NKAIN2: variants seen among roughly 807,000 people sequenced by gnomAD.
NKAIN2 encodes the protein sodium/potassium-transporting ATPase subunit beta-1-interacting protein 2.
A neutral mutation model predicts 32.6 loss-of-function variants in NKAIN2; 14 were observed. The ratio of observed to expected loss-of-function variants is 0.43; its 90% CI spans 0.28 to 0.67. NKAIN2 has a LOEUF of 0.67. Ranked by LOEUF, NKAIN2 falls within the 30% of genes least tolerant of loss-of-function variation. The probability of loss-of-function intolerance (pLI) is 0.17; values close to 1 mark genes in which losing one functional copy is unlikely to be tolerated. For missense variants in NKAIN2, 198 were observed against 258.3 expected, an observed-to-expected ratio of 0.77 and a Z score of 1.60; for synonymous variants, 80 against 87.2, an observed-to-expected ratio of 0.92 and a Z score of 0.46.
intron 3 of NKAIN2, among the ~76,000 whole-genome samples, chr6:124,617,493 T>C (rs890144360): frequency 6.6e-6 from 1 of 152,202 alleles, no homozygotes; most frequent in African/African-American, 2.4e-5. Context: ...CCACAAAGAA[T>C]CCTTCTATGA....
At chr6:124,365,330 A>G (rs1799474938) in intron 3 of NKAIN2, among the ~76,000 whole-genome samples, 1 of 151,964 alleles carries the variant, frequency 6.6e-6, no homozygotes, top group Non-Finnish European at 1.5e-5. Context: ...TAAGTTAAGA[A>G]CAAGTAAAAT....
At chr6:124,737,813 A>G (rs146307618) in intron 4 of NKAIN2, among the ~76,000 whole-genome samples, 92 of 151,832 alleles carry the variant, frequency 6.1e-4, no homozygotes, top group Non-Finnish European at 1.2e-3. Flanking sequence ...AGCAAAGGTA[A>G]CTCTTGTTAT....
chr6:123,876,719 A>C (rs536924550), intron 1 of NKAIN2, among the ~76,000 whole-genome samples: 1 of 152,190 alleles, frequency 6.6e-6, no homozygotes, highest in South Asian at 2.1e-4. Flanking sequence ...TTTTTATTCT[A>C]TTCAAGTCCT....
At chr6:124,176,394 C>A (rs1789158528) in intron 1 of NKAIN2, among the ~76,000 whole-genome samples, 1 of 152,082 alleles carries the variant, frequency 6.6e-6, no homozygotes, top group African/African-American at 2.4e-5. Flanking sequence ...ATTTTGAATT[C>A]TTTGGGATTT....
chr6:123,917,777 A>T (rs1318102383), intron 1 of NKAIN2, among the ~76,000 whole-genome samples: 1 of 152,142 alleles, frequency 6.6e-6, no homozygotes, highest in African/African-American at 2.4e-5. Context: ...GGAAGATTTC[A>T]TTATATTTTA....
At chr6:123,817,736 A>T (rs1348756064) in intron 1 of NKAIN2, among the ~76,000 whole-genome samples, 1 of 152,182 alleles carries the variant, frequency 6.6e-6, no homozygotes, top group East Asian at 1.9e-4. Flanking sequence ...AGCCAGTGGT[A>T]AATGAGGAGA....
chr6:124,734,240 A>C lies in NKAIN2; in HGVS notation c.475-57099A>C, dbSNP rs544361257. Among the ~76,000 whole-genome samples, 5 of 151,898 alleles carry C rather than the reference A, an allele frequency of 3.3e-5. No homozygotes were observed. In the South Asian group the frequency reaches 1.0e-3, roughly 32 times the overall value. On this transcript the variant is annotated intron_variant, in intron 4 of 6. Transcript: ENST00000368417. Reference sequence around the variant, plus strand: ...ATTATTCATATCCAACAAGTATGTAAATTCTATTTACAAAAATCTCTTAAA... The same window carrying C: ...ATTATTCATATCCAACAAGTATGTACATTCTATTTACAAAAATCTCTTAAA...
chr6:124,004,907 A>G (rs1266855780), intron 1 of NKAIN2, among the ~76,000 whole-genome samples: 2 of 152,008 alleles, frequency 1.3e-5, no homozygotes, highest in East Asian at 1.9e-4. Flanking sequence ...AAGTAAAAAA[A>G]AAAAAAGAAT....
At chr6:124,595,553 T>C in intron 3 of NKAIN2, among the ~76,000 whole-genome samples, 1 of 152,156 alleles carries the variant, frequency 6.6e-6, no homozygotes, top group East Asian at 1.9e-4. Context: ...CAAACCTGAT[T>C]TGGTGGAAGC....
At chr6:124,674,141 G>T (rs566620398) in intron 4 of NKAIN2, among the ~76,000 whole-genome samples, 3 of 152,016 alleles carry the variant, frequency 2.0e-5, no homozygotes, top group South Asian at 4.1e-4. Flanking sequence ...TGACAACCTT[G>T]TCAAAAATCA....
chr6:124,427,876 C>A (rs1302465105), intron 3 of NKAIN2, among the ~76,000 whole-genome samples: 1 of 152,004 alleles, frequency 6.6e-6, no homozygotes, highest in Non-Finnish European at 1.5e-5. Flanking sequence ...GTATTTGGCA[C>A]AGCTACATGT....
intron 4 of NKAIN2, among the ~76,000 whole-genome samples, chr6:124,727,056 G>C (rs1007085217): frequency 6.6e-5 from 10 of 152,144 alleles, no homozygotes; most frequent in Admixed American, 2.6e-4. Flanking sequence ...ATGGGACTAT[G>C]TGAAAAGACC....
chr6:124,088,552 A>G (rs538750958), intron 1 of NKAIN2, among the ~76,000 whole-genome samples: 1 of 152,158 alleles, frequency 6.6e-6, no homozygotes, highest in African/African-American at 2.4e-5. Context: ...TTGTTCCTAA[A>G]AGAATTATTT....
chr6:124,708,848 T>G (rs1204256082), intron 4 of NKAIN2, among the ~76,000 whole-genome samples: 1 of 144,488 alleles, frequency 6.9e-6, no homozygotes, highest in Admixed American at 6.9e-5. Flanking sequence ...CCTGCCTAAT[T>G]GCCCTGGCCA....
At chr6:124,721,906 A>G (rs1320571272) in intron 4 of NKAIN2, among the ~76,000 whole-genome samples, 2 of 152,230 alleles carry the variant, frequency 1.3e-5, no homozygotes. Context: ...TCACATTGTT[A>G]TGCAACCAAT....
intron 1 of NKAIN2, among the ~76,000 whole-genome samples, chr6:123,838,497 T>A (rs1171194340): frequency 1.3e-5 from 2 of 152,182 alleles, no homozygotes; most frequent in Non-Finnish European, 2.9e-5. Flanking sequence ...AGTTTTTACT[T>A]GAGTTATGTC....
intron 1 of NKAIN2, among the ~76,000 whole-genome samples, chr6:123,856,234 T>C (rs1281617003): frequency 6.6e-6 from 1 of 152,246 alleles, no homozygotes; most frequent in African/African-American, 2.4e-5. Context: ...ATAACTTTCC[T>C]GACAGCTTTT....
intron 4 of NKAIN2, among the ~76,000 whole-genome samples, chr6:124,730,928 G>C (rs1776633167): frequency 7.9e-6 from 1 of 126,628 alleles, no homozygotes; most frequent in African/African-American, 2.9e-5. Context: ...CTCAAAAGAA[G>C]ACATTTATGC....
intron 1 of NKAIN2, among the ~76,000 whole-genome samples, chr6:124,210,443 T>G (rs148622487): frequency 6.6e-6 from 1 of 151,518 alleles, no homozygotes; most frequent in East Asian, 1.9e-4. Flanking sequence ...TTCCATATAA[T>G]TTTTTTTCTA....
Sources: gnomAD v4.1 joint callset for allele counts (sites outside exome capture counted in the v4.1 genomes callset) on GRCh38, gnomAD v4.1.1 for gene constraint, MANE v1.5 for transcripts, NCBI Gene and HGNC (gene_info 2026-07-23, HGNC 2026-07-21) for gene names.